GLRX3: variants seen among roughly 807,000 people sequenced by gnomAD.
The protein encoded by GLRX3 is glutaredoxin-3.
Under a neutral mutation model 49.5 loss-of-function variants are expected in GLRX3, and 22 were observed. The observed-to-expected ratio is 0.44, with a 90% CI of 0.32 to 0.63. The LOEUF (loss-of-function observed/expected upper bound fraction) is 0.63, where lower values mean the gene tolerates loss of function less well. GLRX3 is among the 30% of genes least tolerant of loss of function. The pLI, the probability that GLRX3 is intolerant of heterozygous loss-of-function variation, is 0.05. For missense variants in GLRX3, 385 were observed against 396.3 expected (o/e 0.97, Z 0.24); for synonymous variants, 133 against 140.0 (o/e 0.95, Z 0.35).
intron 6 of GLRX3, among the ~76,000 whole-genome samples, chr10:130,168,904 GTTAGA>G (rs1246545063): frequency 6.6e-6 from 1 of 152,192 alleles, no homozygotes; most frequent in East Asian, 1.9e-4. Flanking sequence ...CTGACAGCAT[GTTAGA>G]TTATGATGTT....
intron 6 of GLRX3, 29 bp from the exon 7 acceptor site, chr10:130,169,403 AG>A: frequency 6.8e-7 from 1 of 1,469,262 alleles, no homozygotes; most frequent in Non-Finnish European, 9.5e-7. Context: ...AATTGAGCTG[AG>A]CCGTTTTATA....
chr10:130,142,668 A>G (rs974186623), intron 1 of GLRX3, among the ~76,000 whole-genome samples: 2 of 152,118 alleles, frequency 1.3e-5, no homozygotes, highest in Admixed American at 1.3e-4. Context: ...CTGCAGTCTG[A>G]CCTGTGCTTC....
intron 4 of GLRX3, among the ~76,000 whole-genome samples, chr10:130,164,428 G>C (rs1862641955): frequency 6.6e-6 from 1 of 152,206 alleles, no homozygotes; most frequent in African/African-American, 2.4e-5. Flanking sequence ...TGCAGTGAGA[G>C]TCATCCAGCC....
chr10:130,154,551 A>T (rs916881300), intron 2 of GLRX3, among the ~76,000 whole-genome samples: 8 of 151,036 alleles, frequency 5.3e-5, no homozygotes, highest in Admixed American at 5.3e-4. Context: ...AAAGATTCTG[A>T]TTTTGAAATA....
At chr10:130,138,279 G>A (rs1862104955) in intron 1 of GLRX3, among the ~76,000 whole-genome samples, 1 of 152,130 alleles carries the variant, frequency 6.6e-6, no homozygotes, top group South Asian at 2.1e-4. Context: ...CTGGTCTCTG[G>A]AACTCCTGAG....
At chr10:130,177,266 A>G (rs1490458186) in intron 10 of GLRX3, among the ~76,000 whole-genome samples, 4 of 152,184 alleles carry the variant, frequency 2.6e-5, no homozygotes, top group Admixed American at 2.6e-4. Context: ...GTCCTGAGAA[A>G]ATTGTGAGTT....
intron 3 of GLRX3, 60 bp downstream of exon 3, chr10:130,160,129 T>G: frequency 1.0e-6 from 1 of 988,838 alleles, no homozygotes; most frequent in Non-Finnish European, 1.6e-6. Context: ...GGCTACCTAT[T>G]TTGTTTCTTT....
intron 2 of GLRX3, among the ~76,000 whole-genome samples, chr10:130,156,537 T>C (rs1212592882): frequency 1.5e-5 from 2 of 137,662 alleles, no homozygotes; most frequent in East Asian, 4.8e-4. Flanking sequence ...TTGTAAGGAT[T>C]AAGTGAGTCT....
chr10:130,170,004 G>A (rs1308807032), intron 7 of GLRX3, among the ~76,000 whole-genome samples: 1 of 152,202 alleles, frequency 6.6e-6, no homozygotes, highest in Non-Finnish European at 1.5e-5. Flanking sequence ...GCTTTTTGAT[G>A]TAAGTACATA....
At chr10:130,154,469 G>A (rs1862437273) in intron 2 of GLRX3, among the ~76,000 whole-genome samples, 1 of 152,158 alleles carries the variant, frequency 6.6e-6, no homozygotes, top group Non-Finnish European at 1.5e-5. Context: ...CATCTTGGAA[G>A]CGATCTCAGC....
chr10:130,147,772 C>T (rs576240774), intron 2 of GLRX3, among the ~76,000 whole-genome samples: 1 of 152,272 alleles, frequency 6.6e-6, no homozygotes, highest in African/African-American at 2.4e-5. Flanking sequence ...CTGGGCGCCT[C>T]GGCTCACACC....
intron 6 of GLRX3, among the ~76,000 whole-genome samples, chr10:130,167,454 C>T (rs1862715134): frequency 6.6e-6 from 1 of 152,152 alleles, no homozygotes; most frequent in Non-Finnish European, 1.5e-5. Context: ...CTTTCTAGAC[C>T]ACGAGAACTT....
At chr10:130,141,712 A>G (rs1347592378) in intron 1 of GLRX3, among the ~76,000 whole-genome samples, 2 of 152,198 alleles carry the variant, frequency 1.3e-5, no homozygotes, top group Middle Eastern at 3.2e-3. Context: ...CTGTTGGCGG[A>G]CATTTGGCTA....
chr10:130,137,907 A>G (rs1182381851), intron 1 of GLRX3, among the ~76,000 whole-genome samples: 1 of 149,376 alleles, frequency 6.7e-6, no homozygotes, highest in Non-Finnish European at 1.5e-5. Flanking sequence ...TCTAATTTTT[A>G]TTTTTTTTTA....
chr10:130,162,002 A>G (rs1862584332), intron 4 of GLRX3, among the ~76,000 whole-genome samples: 1 of 152,186 alleles, frequency 6.6e-6, no homozygotes, highest in Admixed American at 6.5e-5. Context: ...TCGAGATGGA[A>G]TTTCGCTCTT....
intron 10 of GLRX3, among the ~76,000 whole-genome samples, chr10:130,176,434 T>TA (rs1438435415): frequency 6.6e-6 from 1 of 152,198 alleles, no homozygotes; most frequent in Admixed American, 6.5e-5. Context: ...TAAAAGTTTT[T>TA]AACACGTGCT....
intron 1 of GLRX3, 79 bp from the exon 2 acceptor site, chr10:130,145,131 CT>C: frequency 1.8e-6 from 1 of 570,818 alleles, no homozygotes. Context: ...TCTTTTTTTT[CT>C]TTTTGGTAAT....
At chr10:130,171,791 C>T (rs1350990444) in intron 8 of GLRX3, among the ~76,000 whole-genome samples, 155 bp downstream of exon 8, 2 of 151,954 alleles carry the variant, frequency 1.3e-5, no homozygotes, top group East Asian at 1.9e-4. Context: ...CATAGTGAGA[C>T]CCCATCGCCA....
intron 8 of GLRX3, among the ~76,000 whole-genome samples, 198 bp downstream of exon 8, chr10:130,171,834 C>T (rs897335474): frequency 1.3e-5 from 2 of 152,032 alleles, no homozygotes; most frequent in Admixed American, 6.6e-5. Context: ...GGCATGGTCA[C>T]ATACATCTAT....
Sources: allele counts gnomAD v4.1 joint callset (sites outside exome capture counted in the v4.1 genomes callset), GRCh38; gene constraint gnomAD v4.1.1; transcripts MANE v1.5; gene names NCBI Gene and HGNC (gene_info 2026-07-23, HGNC 2026-07-21).